Variants in CLEC4M observed in about 807,000 individuals in gnomAD.
The protein encoded by CLEC4M is C-type lectin domain family 4 member M, also known as CD209 antigen-like protein 1.
A neutral mutation model predicts 39.1 loss-of-function variants in CLEC4M; 25 were observed. The observed-to-expected ratio is 0.64, with a 90% CI of 0.47 to 0.89. The LOEUF (loss-of-function observed/expected upper bound fraction) is 0.89, where lower values mean the gene tolerates loss of function less well. Among genes scored for constraint, CLEC4M ranks in the 40% least tolerant of loss-of-function variants. The probability of loss-of-function intolerance (pLI) is 0.00; values close to 1 mark genes in which losing one functional copy is unlikely to be tolerated. For missense variants in CLEC4M, 353 were observed against 431.4 expected (o/e 0.82, Z 1.61); for synonymous variants, 155 against 177.4 (o/e 0.87, Z 1.00).
chr19:7,765,468 G>A, intron 3 of CLEC4M, 170 bp from the exon 4 acceptor site: 2 of 1,242,080 alleles, frequency 1.6e-6, no homozygotes, highest in Non-Finnish European at 2.2e-6. Context: ...GGAAGAACCT[G>A]GCTCTCCTTG....
At chr19:7,766,840 G>A in intron 5 of CLEC4M, 33 bp downstream of exon 5, 1 of 1,613,674 alleles carries the variant, frequency 6.2e-7, no homozygotes, top group Admixed American at 1.7e-5. Flanking sequence ...TCCTGGCCTG[G>A]GGCATGGCTT....
chr19:7,769,191 G>A lies in CLEC4M; in HGVS notation c.*203G>A. ...TCCCTGGTGTAGAGCTTGTGTTCTT[G>A]GCCCATCCTTGGAGCTTTATAAGTG... On this transcript the variant is annotated 3_prime_UTR_variant, in exon 7 of 7. Coordinates refer to ENST00000327325, the MANE Select transcript of CLEC4M (RefSeq NM_014257.5). The A allele has an allele frequency of 1.9e-6, 1 of 518,630 alleles. No individual in the cohort carries two copies. Among genetic ancestry groups the A allele is most frequent in the Admixed American group, 3.2e-5 (1 of 30,784 alleles). The allele number at this position is 518,630 out of a possible 1,614,324, so 32.1% of individuals were successfully genotyped here.
intron 6 of CLEC4M, chr19:7,767,967 T>G: frequency 5.1e-6 from 1 of 196,984 alleles, no homozygotes; most frequent in Non-Finnish European, 1.1e-5. Flanking sequence ...CACAGGTTCC[T>G]AGAGGGCGCA....
intron 1 of CLEC4M, 27 bp downstream of exon 1, chr19:7,763,339 C>T: frequency 6.2e-7 from 1 of 1,611,962 alleles, no homozygotes; most frequent in Non-Finnish European, 8.5e-7. Context: ...ACTCTGGGAT[C>T]CTGGGTAAGG....
Position 7,769,054 on chromosome 19 carries a change from G to A in CLEC4M, c.*66G>A, listed in dbSNP as rs67057658. ...GAACTTCACCCACTTGTAAGCCAGCGCTTCTTCTCTCCATCCTTGGACCTT... is the reference window on the plus strand; with the variant it reads ...GAACTTCACCCACTTGTAAGCCAGCACTTCTTCTCTCCATCCTTGGACCTT... On this transcript the variant is annotated 3_prime_UTR_variant, in exon 7 of 7. Transcript: ENST00000327325. The A allele has an allele frequency of 0.15, 225,207 of 1,524,180 alleles. 18,115 individuals carry two copies. Among genetic ancestry groups the A allele is most frequent in the Non-Finnish European group, 0.17 (185,102 of 1,112,272 alleles). 94.4% of individuals were successfully genotyped at this position (1,524,180 alleles called of 1,614,324 possible).
intron 5 of CLEC4M, chr19:7,767,260 T>G (rs2034318499): frequency 2.1e-6 from 1 of 484,142 alleles, no homozygotes; most frequent in South Asian, 2.4e-5. Context: ...CATGTGGACA[T>G]GCAAAATAGA....
chr19:7,766,994 G>A (rs1199272047), intron 5 of CLEC4M, 187 bp downstream of exon 5: 16 of 1,021,506 alleles, frequency 1.6e-5, no homozygotes, highest in Non-Finnish European at 2.1e-5. Context: ...GAACACATGT[G>A]AATATTTGGG....
rs2034233971 is a variant in CLEC4M at position 7,765,758 on chromosome 19, T to A, written c.335T>A (p.Ile112Asn). The A allele has an allele frequency of 6.2e-7, 1 of 1,613,578 alleles. No homozygotes were observed. Among genetic ancestry groups the A allele is most frequent in the South Asian group, 1.1e-5 (1 of 91,060 alleles). Residue 112 changes from isoleucine to asparagine, a missense_variant, in exon 4 of 7, where the codon ATC becomes AAC. Ile to Asn is a moderately radical substitution (Grantham distance 149). This residue lies in a region of CLEC4M where 48 missense variants were observed against 64.8 expected (regional missense o/e 0.74). Transcript: ENST00000327325. The stretch of plus-strand genomic sequence containing the variant: ...TCAGAGAAATCCAAGCTGCAGGAGA[T>A]CTACCAGGAGCTGACCCAGCTGAAG... Reference protein sequence around the residue: ...ELSEKSKLQEIYQELTQLKAA... With the variant: ...ELSEKSKLQENYQELTQLKAA...
rs188962764 is a variant in CLEC4M, at chr19:7,768,442, C to T, written c.1050-396C>T. On this transcript the variant is annotated intron_variant, in intron 6 of 6. Coordinates refer to ENST00000327325, the MANE Select transcript of CLEC4M (RefSeq NM_014257.5). ...TACAAAAATTAGCTGGGTGTGGTGGCGTGCACCTGTAGTCCCAGCTACTCA... is the reference window on the plus strand; with the variant it reads ...TACAAAAATTAGCTGGGTGTGGTGGTGTGCACCTGTAGTCCCAGCTACTCA... 1.1e-4 allele frequency: 17 copies of T among 161,432 alleles called. No homozygotes were observed. In the East Asian group the frequency reaches 2.5e-3, roughly 23 times the overall value. 10.0% of individuals were successfully genotyped at this position (161,432 alleles called of 1,614,324 possible). A position where few individuals can be genotyped will look rare whatever the true frequency, so the allele number is the denominator to read the frequency against.
intron 6 of CLEC4M, 111 bp from the exon 7 acceptor site, chr19:7,768,727 G>C: frequency 1.6e-6 from 2 of 1,287,334 alleles, no homozygotes; most frequent in Non-Finnish European, 2.2e-6. Context: ...AGCAATGCAT[G>C]TCCAGCATAC....
At chr19:7,763,590 G>C in intron 2 of CLEC4M, 114 bp downstream of exon 2, 1 of 850,762 alleles carries the variant, frequency 1.2e-6, no homozygotes, top group Non-Finnish European at 1.8e-6. Context: ...GAAGGTCTGA[G>C]ACCTGGGTTC....
chr19:7,763,512 G>C (rs1398372465), intron 2 of CLEC4M, 36 bp downstream of exon 2: 2 of 1,566,534 alleles, frequency 1.3e-6, no homozygotes, highest in Admixed American at 3.3e-5. Flanking sequence ...GTGGAAGACA[G>C]AGCCTCCCAG....
At chr19:7,765,040 T>C in intron 2 of CLEC4M, 145 bp from the exon 3 acceptor site, 1 of 792,574 alleles carries the variant, frequency 1.3e-6, no homozygotes, top group South Asian at 1.7e-5. Flanking sequence ...AGGTTAGAGC[T>C]AGGGCCTGGA....
At position 7,765,591 on chromosome 19, in the gene CLEC4M, A is replaced by G. The variant is rs374998358; in HGVS notation, c.215-47A>G. ...TATGGGGCTCAGTTCAGGGCTTGGC[A>G]CACAGTAGGTGTTTAATAATTGCAG... On this transcript the variant is annotated intron_variant, in intron 3 of 6. Transcript: ENST00000327325. The G allele has an allele frequency of 3.3e-5, 53 of 1,611,210 alleles. No individual in the cohort carries two copies. The African/African-American group carries it at 6.3e-4, about 19-fold the overall frequency.
chr19:7,765,092 T>C (rs1453741654), intron 2 of CLEC4M, 93 bp from the exon 3 acceptor site: 16 of 1,394,400 alleles, frequency 1.1e-5, no homozygotes, highest in Non-Finnish European at 1.6e-5. Context: ...CTGGGGTTCC[T>C]GGGTCCTGGG....
chr19:7,766,499 G>A, intron 4 of CLEC4M, 157 bp from the exon 5 acceptor site: 3 of 1,485,424 alleles, frequency 2.0e-6, no homozygotes, highest in Non-Finnish European at 2.7e-6. Flanking sequence ...AGAGTCTTGG[G>A]AAGTAGGGAG....
chr19:7,767,592 C>G lies in CLEC4M; in HGVS notation c.1013C>G (p.Thr338Arg), dbSNP rs749117760. ...MGLSDLNQEGTWQWVDGSPLS... is the reference protein window; with the variant it reads ...MGLSDLNQEGRWQWVDGSPLS... ...CTTTCAGACCTAAATCAGGAAGGCA[C>G]GTGGCAATGGGTGGACGGCTCACCT... The change falls in exon 6 of 7, where the codon ACG becomes AGG. Residue 338 changes from threonine to arginine, a missense_variant. Around this residue, in one of 4 missense-constraint regions of CLEC4M, gnomAD observed 196 missense variants for 211.7 expected, o/e 0.93. Coordinates refer to ENST00000327325, the MANE Select transcript of CLEC4M (RefSeq NM_014257.5). 3.7e-6 allele frequency: 6 copies of G among 1,614,118 alleles called. No individual in the cohort carries two copies. Among genetic ancestry groups the G allele is most frequent in the East Asian group, 2.2e-5 (1 of 44,874 alleles).
chr19:7,768,005 A>T, intron 6 of CLEC4M: 1 of 177,606 alleles, frequency 5.6e-6, no homozygotes, highest in Non-Finnish European at 1.2e-5. Flanking sequence ...CCGCTGGGGA[A>T]GCAGCAGGGT....
At chr19:7,765,386 G>C (rs1599509718) in intron 3 of CLEC4M, 118 bp downstream of exon 3, 3 of 1,262,468 alleles carry the variant, frequency 2.4e-6, no homozygotes, top group Non-Finnish European at 3.4e-6. Flanking sequence ...TGTTGTCCCT[G>C]GGGGTCTGTA....
Sources: gnomAD v4.1 joint callset for allele counts on GRCh38, gnomAD v4.1.1 for gene constraint, gnomAD v4.1.1 regional missense constraint, MANE v1.5 for transcripts, NCBI Gene and HGNC (gene_info 2026-07-23, HGNC 2026-07-21) for gene names.